The following ZNF655 variants were observed in gnomAD, a reference collection of about 807,000 sequenced individuals.
The protein encoded by ZNF655 is zinc finger protein 655, also known as Vav-interacting Kruppel-like protein 1.
A neutral mutation model predicts 6.6 loss-of-function variants in ZNF655; 3 were observed. The ratio of observed to expected loss-of-function variants is 0.46; its 90% CI spans 0.21 to 1.18. The LOEUF (loss-of-function observed/expected upper bound fraction) is 1.18. ZNF655 is among the 50% of genes most tolerant of loss of function. The pLI is 0.24. For missense variants in ZNF655, 526 were observed against 572.3 expected (o/e 0.92, Z 0.83); for synonymous variants, 178 against 195.0 (o/e 0.91, Z 0.73).
In ZNF655 at chr7:99,573,260, ATG is replaced by A. The variant is rs1804216126; in HGVS notation, c.1155_1156del (p.Cys385TrpfsTer24). Reference protein sequence around the residue: ...FREKPYTCSECGKDFRLNSHL... With the variant: ...FREKPYTCSEXGKDFRLNSHL... ...GAGAAAAGCCCTATACGTGTAGTGA[ATG>A]TGGAAAAGACTTCAGATTGAATTCA... On this transcript the variant is annotated frameshift_variant, in exon 3 of 3. Transcript: ENST00000252713. LOFTEE classifies it low-confidence loss of function (END_TRUNC). 6.2e-7 allele frequency: 1 copy of A among 1,614,098 alleles called. No homozygotes were observed. The highest frequency in any genetic ancestry group is 1.3e-5 in the African/African-American group (1 of 74,952).
intron 2 of ZNF655, chr7:99,560,971 C>T (rs1174013725): frequency 3.6e-6 from 1 of 280,904 alleles, no homozygotes; most frequent in African/African-American, 2.2e-5. Context: ...CCAGTTCTCA[C>T]ATCCAGAATA....
At chr7:99,560,149 A>G (rs1158385708) in intron 1 of ZNF655, among the ~76,000 whole-genome samples, 2 of 150,314 alleles carry the variant, frequency 1.3e-5, no homozygotes, top group African/African-American at 2.5e-5. Flanking sequence ...CAGTGGTGCA[A>G]TCTTGGCTCA....
rs981839163 is a variant in ZNF655 at position 99,576,090 on chromosome 7, T to C, written c.*2506T>C. 2.6e-5 allele frequency: 4 copies of C among 152,234 alleles called. No homozygotes were observed. The highest frequency in any genetic ancestry group is 7.2e-5 in the African/African-American group (3 of 41,460). 9.4% of individuals were successfully genotyped at this position (152,234 alleles called of 1,614,324 possible). A position where few individuals can be genotyped will look rare whatever the true frequency, so the allele number is the denominator to read the frequency against. ...ATTCAGTAGGGACCCTCAACAAATA[T>C]ATAAAAATATGTTGCTCACTCTATA... On this transcript the variant is annotated 3_prime_UTR_variant, in exon 3 of 3. Coordinates refer to ENST00000252713, the MANE Select transcript of ZNF655 (RefSeq NM_138494.3).
intron 2 of ZNF655, chr7:99,563,855 C>A (rs771377817): frequency 6.2e-7 from 1 of 1,605,028 alleles, no homozygotes; most frequent in Non-Finnish European, 8.5e-7. Flanking sequence ...GCTCTTTAAT[C>A]TTTGTAGGCA....
At chr7:99,560,389 T>C in intron 1 of ZNF655, 144 bp from the exon 2 acceptor site, 1 of 784,330 alleles carries the variant, frequency 1.3e-6, no homozygotes, top group Non-Finnish European at 1.8e-6. Flanking sequence ...CATTTTTCTG[T>C]TACTTATTTA....
At chr7:99,565,952 CTATA>C (rs1361019120) in intron 2 of ZNF655, among the ~76,000 whole-genome samples, 5 of 143,042 alleles carry the variant, frequency 3.5e-5, no homozygotes, top group South Asian at 4.4e-4. Context: ...TTATTGGGTA[CTATA>C]TATATGTATG....
chr7:99,561,941 C>T (rs1229219702), intron 2 of ZNF655: 5 of 1,596,916 alleles, frequency 3.1e-6, no homozygotes, highest in Middle Eastern at 1.7e-4. Flanking sequence ...CCCAGGAGAC[C>T]AGGCAGCTGC....
intron 2 of ZNF655, chr7:99,570,145 T>C (rs951239155): frequency 2.6e-5 from 4 of 152,178 alleles, no homozygotes; most frequent in African/African-American, 7.2e-5. Flanking sequence ...AGTGTAGATA[T>C]GGAGTAAGCA....
chr7:99,568,388 C>T (rs1444546915), intron 2 of ZNF655, among the ~76,000 whole-genome samples: 1 of 150,794 alleles, frequency 6.6e-6, no homozygotes, highest in Non-Finnish European at 1.5e-5. Flanking sequence ...GTGGCTGGGA[C>T]TACAGGCACC....
intron 2 of ZNF655, chr7:99,563,812 C>G: frequency 6.4e-7 from 1 of 1,574,060 alleles, no homozygotes; most frequent in Middle Eastern, 2.3e-4. Flanking sequence ...AGGCTGCCCA[C>G]TGGGACGGTT....
chr7:99,559,326 G>C (rs1232958880), intron 1 of ZNF655, among the ~76,000 whole-genome samples: 3 of 151,832 alleles, frequency 2.0e-5, no homozygotes, highest in Non-Finnish European at 4.4e-5. Flanking sequence ...AGCCCGTGTA[G>C]TAAATCGGAG....
intron 2 of ZNF655, chr7:99,562,281 G>A (rs1584244548): frequency 6.4e-7 from 1 of 1,553,454 alleles, no homozygotes; most frequent in East Asian, 2.2e-5. Context: ...TAAGTACACA[G>A]TGGATACCCT....
chr7:99,572,213 C>T (rs1804141270), intron 2 of ZNF655, 32 bp from the exon 3 acceptor site: 1 of 1,540,832 alleles, frequency 6.5e-7, no homozygotes. Context: ...GTACAGATTA[C>T]ATTTGCATTT....
intron 2 of ZNF655, chr7:99,563,812 C>A (rs1803405636): frequency 6.4e-7 from 1 of 1,573,944 alleles, no homozygotes; most frequent in African/African-American, 1.4e-5. Flanking sequence ...AGGCTGCCCA[C>A]TGGGACGGTT....
At chr7:99,566,049 A>C (rs1459562488) in intron 2 of ZNF655, among the ~76,000 whole-genome samples, 1 of 141,680 alleles carries the variant, frequency 7.1e-6, no homozygotes, top group Non-Finnish European at 1.5e-5. Flanking sequence ...GTGTATATAT[A>C]TATATAAAGG....
chr7:99,563,991 T>C (rs1187890858), intron 2 of ZNF655: 1 of 1,613,980 alleles, frequency 6.2e-7, no homozygotes, highest in Non-Finnish European at 8.5e-7. Context: ...CTCCAAGAGA[T>C]GGCCCAAGTA....
chr7:99,564,595 G>T, intron 2 of ZNF655: 1 of 985,274 alleles, frequency 1.0e-6, no homozygotes, highest in South Asian at 4.7e-5. Flanking sequence ...TTTATTTCAG[G>T]GCATCAAATT....
At position 99,572,488 on chromosome 7, in the gene ZNF655, A is replaced by G; in HGVS notation, c.380A>G (p.Lys127Arg). ...AGCAAGGAAACCTTCACCAGTGAGAAGAACAATGAATGTCATGAACCCGAA... is the reference window on the plus strand; with the variant it reads ...AGCAAGGAAACCTTCACCAGTGAGAGGAACAATGAATGTCATGAACCCGAA... ...TISKETFTSE[K>R]NNECHEPEKS... The change falls in exon 3 of 3, where the codon AAG (lysine) becomes AGG (arginine). Residue 127 changes from lysine to arginine, a missense_variant. Physicochemically the swap from Lys to Arg is conservative, Grantham distance 26 (BLOSUM62 2). Transcript: ENST00000252713. 6.2e-7 allele frequency: 1 copy of G among 1,614,054 alleles called. No homozygotes were observed. Among genetic ancestry groups the G allele is most frequent in the East Asian group, 2.2e-5 (1 of 44,868 alleles).
chr7:99,560,887 CT>C (rs1803092683), intron 2 of ZNF655, 192 bp downstream of exon 2: 1 of 535,016 alleles, frequency 1.9e-6, no homozygotes, highest in Non-Finnish European at 3.0e-6. Flanking sequence ...GATAGCTCAT[CT>C]TTCTCAAATA....
Sources: gnomAD v4.1 joint callset for allele counts (sites outside exome capture counted in the v4.1 genomes callset) on GRCh38, gnomAD v4.1.1 for gene constraint, MANE v1.5 for transcripts, NCBI Gene and HGNC (gene_info 2026-07-23, HGNC 2026-07-21) for gene names.